RBFOX1: variants seen among roughly 807,000 people sequenced by gnomAD.
RBFOX1 encodes RNA binding fox-1 homolog 1.
In RBFOX1, 8 loss-of-function variants were observed where a neutral mutation model predicts 57.7. That is an observed-to-expected ratio of 0.14 (90% CI 0.08 to 0.25). The LOEUF (loss-of-function observed/expected upper bound fraction) is 0.25, where lower values mean the gene tolerates loss of function less well. RBFOX1 is among the 10% of genes least tolerant of loss of function. The pLI, the probability that RBFOX1 is intolerant of heterozygous loss-of-function variation, is 1.00. For synonymous variants in RBFOX1, 326 were observed against 222.4 expected (o/e 1.47, Z -4.15); for missense variants, 611 against 548.5 (o/e 1.11, Z -1.14).
intron 3 of RBFOX1, among the ~76,000 whole-genome samples, chr16:6,719,253 T>G (rs2065451495): frequency 6.6e-6 from 1 of 152,010 alleles, no homozygotes; most frequent in Non-Finnish European, 1.5e-5. Flanking sequence ...AAATAGTATT[T>G]AAATAGAAAT....
At chr16:7,683,597 G>C (rs944114339) in intron 14 of RBFOX1, among the ~76,000 whole-genome samples, 1 of 152,088 alleles carries the variant, frequency 6.6e-6, no homozygotes, top group East Asian at 1.9e-4. Flanking sequence ...ACTTTTGCCA[G>C]TGACAAGGCA....
chr16:7,461,464 C>A lies in RBFOX1; in HGVS notation c.28-56683C>A, dbSNP rs563111999. ...TACAGGCATGAGTCACTGTGCCCGG[C>A]CAAAGTAATTTTTAAATAAAATTTT... On this transcript the variant is annotated intron_variant, in intron 4 of 15. Coordinates refer to ENST00000550418, the MANE Select transcript of RBFOX1 (RefSeq NM_018723.4). Among the ~76,000 whole-genome samples, 9 of 152,136 alleles carry A rather than the reference C, an allele frequency of 5.9e-5. No individual in the cohort carries two copies. The East Asian group carries it at 1.7e-3, about 29-fold the overall frequency.
intron 4 of RBFOX1, among the ~76,000 whole-genome samples, chr16:5,909,874 G>A (rs956123236): frequency 5.3e-5 from 8 of 151,998 alleles, no homozygotes; most frequent in African/African-American, 1.9e-4. Flanking sequence ...CCAATATGGT[G>A]AAACCCCGTC....
chr16:5,835,260 G>A (rs781240700), intron 3 of RBFOX1, among the ~76,000 whole-genome samples: 1 of 152,182 alleles, frequency 6.6e-6, no homozygotes, highest in African/African-American at 2.4e-5. Context: ...ACTCGGCTGG[G>A]CAGGCACTAC....
chr16:6,946,291 G>C lies in RBFOX1; in HGVS notation c.-15-105766G>C, dbSNP rs184243774. Among the ~76,000 whole-genome samples, 7 of 152,342 alleles carry C rather than the reference G, an allele frequency of 4.6e-5. No individual in the cohort carries two copies. In the East Asian group the frequency reaches 1.2e-3, roughly 25 times the overall value. ...AATAGCCATAGACAATAACATATGG[G>C]TGTGGCTGTGTTCCAATAAAACTTT... On this transcript the variant is annotated intron_variant, in intron 3 of 15. Coordinates refer to ENST00000550418, the MANE Select transcript of RBFOX1 (RefSeq NM_018723.4).
intron 3 of RBFOX1, among the ~76,000 whole-genome samples, chr16:6,795,444 T>A (rs1342120196): frequency 6.6e-6 from 1 of 152,146 alleles, no homozygotes; most frequent in Non-Finnish European, 1.5e-5. Flanking sequence ...TTTTTTAAGT[T>A]ACGTCTTTAT....
intron 4 of RBFOX1, among the ~76,000 whole-genome samples, chr16:7,159,325 A>G (rs946514077): frequency 1.1e-4 from 16 of 152,066 alleles, no homozygotes; most frequent in African/African-American, 3.9e-4. Flanking sequence ...TATCCCAGAG[A>G]CAGGGATTGA....
chr16:7,012,077 G>C (rs1198896956), intron 3 of RBFOX1, among the ~76,000 whole-genome samples: 1 of 152,186 alleles, frequency 6.6e-6, no homozygotes, highest in Non-Finnish European at 1.5e-5. Context: ...CTTTAGGTCA[G>C]ACGTATGGAG....
Position 6,998,517 on chromosome 16 carries a change from A to G in RBFOX1, c.-15-53540A>G, listed in dbSNP as rs1229486788. 4.6e-5 allele frequency among the ~76,000 whole-genome samples: 7 copies of G among 152,192 alleles called. No homozygotes were observed. In the East Asian group the frequency reaches 1.3e-3, roughly 29 times the overall value. On this transcript the variant is annotated intron_variant, in intron 3 of 15. Transcript: ENST00000550418. Reference sequence around the variant, plus strand: ...CTTGGCAATGACTTGGCCCTACCAGAAGCAAGAGACAAAGTTCTAAATGAG... The same window carrying G: ...CTTGGCAATGACTTGGCCCTACCAGGAGCAAGAGACAAAGTTCTAAATGAG...
At chr16:5,711,664 G>T (rs1326510334) in intron 3 of RBFOX1, among the ~76,000 whole-genome samples, 2 of 152,202 alleles carry the variant, frequency 1.3e-5, no homozygotes, top group African/African-American at 4.8e-5. Flanking sequence ...AAATCTTAAA[G>T]GGCCTTGCAT....
intron 2 of RBFOX1, among the ~76,000 whole-genome samples, chr16:6,636,135 C>T (rs1217133421): frequency 6.6e-6 from 1 of 152,148 alleles, no homozygotes; most frequent in East Asian, 1.9e-4. Flanking sequence ...CGCATCTCAG[C>T]AGTCAGACAG....
At chr16:6,265,879 G>A (rs7193263) in intron 1 of RBFOX1, among the ~76,000 whole-genome samples, 79,607 of 151,770 alleles carry the variant, frequency 0.52, 23,709 homozygotes, top group East Asian at 0.82. Context: ...TTGTACATTT[G>A]AAAACCCTGT....
chr16:6,050,529 G>A (rs75887625), intron 1 of RBFOX1, among the ~76,000 whole-genome samples: 1 of 152,084 alleles, frequency 6.6e-6, no homozygotes, highest in Admixed American at 6.5e-5. Flanking sequence ...TTGATCGATT[G>A]TCTCCCTTTT....
chr16:7,344,505 T>C (rs1430747739), intron 4 of RBFOX1, among the ~76,000 whole-genome samples: 2 of 150,892 alleles, frequency 1.3e-5, no homozygotes, highest in African/African-American at 4.9e-5. Flanking sequence ...AGGATAATTA[T>C]ATATAATGAT....
chr16:6,058,538 T>C (rs987421733), intron 1 of RBFOX1, among the ~76,000 whole-genome samples: 2 of 152,174 alleles, frequency 1.3e-5, no homozygotes, highest in Non-Finnish European at 2.9e-5. Context: ...ATCCGTCTTA[T>C]ATATCTGTTT....
At chr16:6,352,412 T>G (rs1001279206) in intron 2 of RBFOX1, among the ~76,000 whole-genome samples, 1 of 152,196 alleles carries the variant, frequency 6.6e-6, no homozygotes, top group African/African-American at 2.4e-5. Flanking sequence ...TGACCAAAAT[T>G]TAGTGTTTAT....
chr16:6,693,090 A>G (rs564212194), intron 3 of RBFOX1, among the ~76,000 whole-genome samples: 3 of 101,474 alleles, frequency 3.0e-5, no homozygotes, highest in Middle Eastern at 0.011. Context: ...TACCATCACA[A>G]CCATCATCAT....
At chr16:6,929,742 G>A (rs1475011083) in intron 3 of RBFOX1, among the ~76,000 whole-genome samples, 1 of 152,112 alleles carries the variant, frequency 6.6e-6, no homozygotes, top group Non-Finnish European at 1.5e-5. Context: ...ATGAAATGCA[G>A]AGGAAAATAG....
At chr16:7,599,782 G>T (rs1464500119) in intron 9 of RBFOX1, among the ~76,000 whole-genome samples, 1 of 142,040 alleles carries the variant, frequency 7.0e-6, no homozygotes. Flanking sequence ...ACAGCCACAT[G>T]CCACAATGCC....
Sources: allele counts gnomAD v4.1 joint callset (sites outside exome capture counted in the v4.1 genomes callset), GRCh38; gene constraint gnomAD v4.1.1; transcripts MANE v1.5; gene names NCBI Gene and HGNC (gene_info 2026-07-23, HGNC 2026-07-21).